The following GLRA1 variants were observed in gnomAD, a reference collection of about 807,000 sequenced individuals.
GLRA1 encodes the protein glycine receptor alpha 1, also known as glycine receptor subunit alpha-1.
In GLRA1, 37 loss-of-function variants were observed where a neutral mutation model predicts 48.3. The ratio of observed to expected loss-of-function variants is 0.77; its 90% CI spans 0.59 to 1.01. GLRA1 has a LOEUF of 1.01. Among genes scored for constraint, GLRA1 ranks in the 50% least tolerant of loss-of-function variants. The pLI is 0.00. For missense variants in GLRA1, 427 were observed against 571.0 expected (o/e 0.75, Z 2.57); for synonymous variants, 196 against 210.7 (o/e 0.93, Z 0.60).
rs187860460 is a variant in GLRA1, at chr5:151,845,833, T to C, written c.912+5557A>G. ...ACCAAATGCCTAACTGCTGAATGGA[T>C]AACAAAATGTGATATATCTATACCA... On this transcript the variant is annotated intron_variant, in intron 7 of 8. Transcript: ENST00000274576. Among the ~76,000 whole-genome samples, 13 of 152,300 alleles carry C rather than the reference T, an allele frequency of 8.5e-5. 1 individual carries two copies. The highest frequency in any genetic ancestry group is 7.2e-4 in the Admixed American group (11 of 15,290).
chr5:151,849,452 T>TTTCCTTTCCTTTCCTTTCTTTCC (rs1561555110), intron 7 of GLRA1, among the ~76,000 whole-genome samples: 1 of 15,654 alleles, frequency 6.4e-5, no homozygotes, highest in Non-Finnish European at 1.1e-4. Context: ...TTTCCTTTCC[T>TTTCCTTTCCTTTCCTTTCTTTCC]TTCCTTCCTT....
At chr5:151,907,605 C>T (rs776555684) in intron 1 of GLRA1, among the ~76,000 whole-genome samples, 3 of 152,222 alleles carry the variant, frequency 2.0e-5, no homozygotes, top group Non-Finnish European at 4.4e-5. Context: ...GAGGAGCCCA[C>T]TATATGCCCA....
chr5:151,879,440 C>A (rs145820507), intron 3 of GLRA1, among the ~76,000 whole-genome samples: 2 of 151,944 alleles, frequency 1.3e-5, no homozygotes, highest in African/African-American at 2.4e-5. Flanking sequence ...CTGCAACTTC[C>A]GCCTCCTGGG....
At chr5:151,890,365 C>T (rs1048040023) in intron 2 of GLRA1, among the ~76,000 whole-genome samples, 4 of 152,166 alleles carry the variant, frequency 2.6e-5, no homozygotes, top group African/African-American at 7.2e-5. Context: ...ATGAGTTCCT[C>T]GTTTCTCAGA....
Position 151,890,166 on chromosome 5 carries a change from T to C in GLRA1, c.184+2145A>G, listed in dbSNP as rs552526076. Among the ~76,000 whole-genome samples, 7 of 152,332 alleles carry C rather than the reference T, an allele frequency of 4.6e-5. No homozygotes were observed. The South Asian group carries it at 1.2e-3, about 27-fold the overall frequency. On this transcript the variant is annotated intron_variant, in intron 2 of 8. Transcript: ENST00000274576. ...TTAAGTTAGAGTAACTGGGTTAAAG[T>C]CTCTGGTTTTGACAGCATGACTTGA...
At chr5:151,836,922 A>C (rs1259004261) in intron 7 of GLRA1, among the ~76,000 whole-genome samples, 1 of 152,240 alleles carries the variant, frequency 6.6e-6, no homozygotes, top group Non-Finnish European at 1.5e-5. Flanking sequence ...CAATGGCAAC[A>C]AAAGCCAAAA....
At chr5:151,917,849 G>A (rs116596954) in intron 1 of GLRA1, among the ~76,000 whole-genome samples, 194 of 152,330 alleles carry the variant, frequency 1.3e-3, no homozygotes, top group African/African-American at 4.4e-3. Context: ...TTGTGAGAAA[G>A]GGAGCAGAGG....
At chr5:151,872,467 G>A (rs1753511032) in intron 3 of GLRA1, among the ~76,000 whole-genome samples, 1 of 149,722 alleles carries the variant, frequency 6.7e-6, no homozygotes, top group Non-Finnish European at 1.5e-5. Flanking sequence ...AATTATTGAA[G>A]CTTTTTTGGG....
In GLRA1 at chr5:151,823,316, G is replaced by A. The variant is rs1189508756; in HGVS notation, c.1060-353C>T. On this transcript the variant is annotated intron_variant, in intron 8 of 8. Transcript: ENST00000274576. ...ATTTCATTTTTTCTTCTACCTGGGG[G>A]ATAAGATTCTCCCCACTACTCCACA... Among the ~76,000 whole-genome samples the A allele has an allele frequency of 1.8e-4, 28 of 152,148 alleles. 1 individual carries two copies. Among genetic ancestry groups the A allele is most frequent in the Admixed American group, 1.8e-3 (28 of 15,284 alleles).
chr5:151,843,704 G>A (rs1292769883), intron 7 of GLRA1, among the ~76,000 whole-genome samples: 1 of 152,150 alleles, frequency 6.6e-6, no homozygotes, highest in Non-Finnish European at 1.5e-5. Context: ...AAAACGGTGT[G>A]GTACTGACAA....
intron 3 of GLRA1, among the ~76,000 whole-genome samples, chr5:151,871,727 A>T (rs981880451): frequency 6.7e-6 from 1 of 148,820 alleles, no homozygotes; most frequent in Non-Finnish European, 1.5e-5. Context: ...CGCCCGGCTA[A>T]TTTTTTTTAT....
At chr5:151,883,807 C>T (rs1753826167) in intron 3 of GLRA1, among the ~76,000 whole-genome samples, 1 of 152,196 alleles carries the variant, frequency 6.6e-6, no homozygotes, top group African/African-American at 2.4e-5. Context: ...GCCAAGATCA[C>T]AGAGCTGAGC....
chr5:151,826,518 C>T (rs1322280670), intron 8 of GLRA1, among the ~76,000 whole-genome samples: 1 of 152,160 alleles, frequency 6.6e-6, no homozygotes, highest in Non-Finnish European at 1.5e-5. Context: ...CCTCTCCTGC[C>T]TTTGCCATCA....
At chr5:151,860,537 C>A (rs1753169037) in intron 3 of GLRA1, among the ~76,000 whole-genome samples, 1 of 152,056 alleles carries the variant, frequency 6.6e-6, no homozygotes, top group Non-Finnish European at 1.5e-5. Context: ...AACTATTCTG[C>A]CTAAAGAGAA....
intron 7 of GLRA1, among the ~76,000 whole-genome samples, chr5:151,835,319 T>C (rs947529184): frequency 1.3e-5 from 2 of 152,102 alleles, no homozygotes; most frequent in African/African-American, 2.4e-5. Context: ...ACCAGAAGGA[T>C]TCACAGCCAA....
chr5:151,865,943 G>A (rs927517170), intron 3 of GLRA1, among the ~76,000 whole-genome samples: 4 of 152,162 alleles, frequency 2.6e-5, no homozygotes, highest in African/African-American at 9.7e-5. Context: ...TGGTGTAATA[G>A]GCCGAAAGCT....
At chr5:151,873,662 T>TC (rs2113382901) in intron 3 of GLRA1, among the ~76,000 whole-genome samples, 2 of 121,396 alleles carry the variant, frequency 1.6e-5, no homozygotes, top group African/African-American at 6.4e-5. Flanking sequence ...TGACACTTTG[T>TC]CTCAAAAAAA....
At chr5:151,833,507 A>T (rs752529598) in intron 7 of GLRA1, among the ~76,000 whole-genome samples, 1 of 152,114 alleles carries the variant, frequency 6.6e-6, no homozygotes, top group Non-Finnish European at 1.5e-5. Flanking sequence ...GTTGCCCCCC[A>T]GGGTGGAGTG....
chr5:151,911,694 C>T (rs756160418), intron 1 of GLRA1, among the ~76,000 whole-genome samples: 4 of 151,036 alleles, frequency 2.6e-5, no homozygotes, highest in Non-Finnish European at 5.9e-5. Flanking sequence ...CAAGCTCCAC[C>T]TCCCGGGTTC....
Sources: allele counts gnomAD v4.1 joint callset (sites outside exome capture counted in the v4.1 genomes callset), GRCh38; gene constraint gnomAD v4.1.1; transcripts MANE v1.5; gene names NCBI Gene and HGNC (gene_info 2026-07-23, HGNC 2026-07-21).